The following DAPK1 variants were observed in gnomAD, a reference collection of about 807,000 sequenced individuals.
DAPK1 encodes death-associated protein kinase 1.
In DAPK1, 56 loss-of-function variants were observed where a neutral mutation model predicts 144.9. That is an observed-to-expected ratio of 0.39 (90% CI 0.31 to 0.48). The LOEUF (loss-of-function observed/expected upper bound fraction) is 0.48. Among genes scored for constraint, DAPK1 ranks in the 20% least tolerant of loss-of-function variants. DAPK1 has a pLI of 0.95. For missense variants in DAPK1, 1,454 were observed against 1,875.4 expected (o/e 0.78, Z 4.15); for synonymous variants, 690 against 749.0 (o/e 0.92, Z 1.29).
At position 87,650,031 on chromosome 9, in the gene DAPK1, G is replaced by T. The variant is rs201798288; in HGVS notation, c.1539G>T (p.Thr513=). The change falls in exon 16 of 26, where the codon ACG becomes ACT. Residue 513 remains threonine, a synonymous_variant. Coordinates refer to ENST00000408954, the MANE Select transcript of DAPK1 (RefSeq NM_004938.4). ...ACATCAAGAACCGAGAAGGAGAGAC[G>T]CCCCTCCTGACAGCCTCTGCCAGGG... ...NVNIKNREGE[T]PLLTASARGY... is the part of the protein sequence containing the mutation. 2 of 1,614,098 alleles carry T rather than the reference G, an allele frequency of 1.2e-6. No individual in the cohort carries two copies. The highest frequency in any genetic ancestry group is 3.3e-5 in the Admixed American group (2 of 60,018).
chr9:87,518,166 C>T (rs1825148982), intron 2 of DAPK1, among the ~76,000 whole-genome samples: 1 of 142,076 alleles, frequency 7.0e-6, no homozygotes. Context: ...GGCTGAAGTG[C>T]AGTGGCACAA....
intron 2 of DAPK1, among the ~76,000 whole-genome samples, chr9:87,587,536 C>G (rs1827977468): frequency 6.6e-6 from 1 of 152,150 alleles, no homozygotes; most frequent in South Asian, 2.1e-4. Context: ...TTATAATTAT[C>G]CCAGGGTGAG....
intron 3 of DAPK1, chr9:87,633,331 G>A: frequency 1.0e-6 from 1 of 985,064 alleles, no homozygotes; most frequent in Non-Finnish European, 1.2e-6. Flanking sequence ...TAGATATGAA[G>A]GAAGATGAGT....
intron 2 of DAPK1, among the ~76,000 whole-genome samples, chr9:87,592,593 C>G (rs985827690): frequency 6.6e-6 from 1 of 152,152 alleles, no homozygotes; most frequent in Non-Finnish European, 1.5e-5. Context: ...GTGGCACTTC[C>G]GAGAGTTAAC....
intron 18 of DAPK1, among the ~76,000 whole-genome samples, chr9:87,663,966 C>T (rs1035065939): frequency 6.6e-6 from 1 of 152,116 alleles, no homozygotes; most frequent in Non-Finnish European, 1.5e-5. Context: ...GCACCCGCCT[C>T]TCCAGCCCCC....
rs1326984890 is a variant in DAPK1 at position 87,497,946 on chromosome 9, C to CG, written c.-269dup. 5.0e-6 allele frequency: 2 copies of CG among 396,562 alleles called. No individual in the cohort carries two copies. The highest frequency in any genetic ancestry group is 8.9e-6 in the Non-Finnish European group (2 of 225,312). 24.6% of individuals were successfully genotyped at this position (396,562 alleles called of 1,614,324 possible). On this transcript the variant is annotated 5_prime_UTR_variant, in exon 1 of 26. Coordinates refer to ENST00000408954, the MANE Select transcript of DAPK1 (RefSeq NM_004938.4). ...CCTCCGCGGAGGGGACTCGGCAACTCGCAGCGGCAGGGTCTGGGGCCGGCG... is the reference window on the plus strand; with the variant it reads ...CCTCCGCGGAGGGGACTCGGCAACTCGGCAGCGGCAGGGTCTGGGGCCGGCG...
At chr9:87,659,008 C>T (rs970192325) in intron 18 of DAPK1, among the ~76,000 whole-genome samples, 1 of 152,222 alleles carries the variant, frequency 6.6e-6, no homozygotes, top group African/African-American at 2.4e-5. Context: ...CACAGCCATG[C>T]CCAAGGTTTG....
intron 2 of DAPK1, among the ~76,000 whole-genome samples, chr9:87,515,540 T>C (rs959061574): frequency 6.6e-6 from 1 of 151,966 alleles, no homozygotes; most frequent in African/African-American, 2.4e-5. Flanking sequence ...GGGTCAGTGG[T>C]GGGAGCCATG....
In DAPK1 at chr9:87,707,828, T is replaced by C. The variant is rs1174366117; in HGVS notation, c.*464T>C. 2.2e-6 allele frequency: 1 copy of C among 457,040 alleles called. No individual in the cohort carries two copies. Among genetic ancestry groups the C allele is most frequent in the Non-Finnish European group, 4.4e-6 (1 of 227,238 alleles). The allele number at this position is 457,040 out of a possible 1,614,324, so 28.3% of individuals were successfully genotyped here. ...CCATTTCCTCAGCTTATCTCTTTTATATTTGTAGGAGAAACTCCCATGTAT... is the reference window on the plus strand; with the variant it reads ...CCATTTCCTCAGCTTATCTCTTTTACATTTGTAGGAGAAACTCCCATGTAT... On this transcript the variant is annotated 3_prime_UTR_variant, in exon 26 of 26. Transcript: ENST00000408954. This position sits in a 1 kb window ranked among gnomAD's most constrained non-coding sequence, Gnocchi z 4.0.
intron 2 of DAPK1, among the ~76,000 whole-genome samples, chr9:87,501,756 A>C (rs1252192129): frequency 6.6e-6 from 1 of 152,200 alleles, no homozygotes; most frequent in Admixed American, 6.5e-5. Flanking sequence ...GTACTGCCTA[A>C]GACTTCTGTA....
intron 21 of DAPK1, among the ~76,000 whole-genome samples, chr9:87,694,373 A>C (rs978460728): frequency 6.6e-6 from 1 of 152,312 alleles, no homozygotes; most frequent in African/African-American, 2.4e-5. Flanking sequence ...AGGTCCCCAG[A>C]CAGCATATTC....
chr9:87,498,388 C>T (rs1824262611), intron 1 of DAPK1: 8 of 348,142 alleles, frequency 2.3e-5, no homozygotes, highest in Non-Finnish European at 3.6e-5. Context: ...CCGCTCCCTT[C>T]CCTCCCTTGC....
In DAPK1 at chr9:87,528,900, A is replaced by G. The variant is rs1825610167; in HGVS notation, c.62+29761A>G. On this transcript the variant is annotated intron_variant, in intron 2 of 25. Coordinates refer to ENST00000408954, the MANE Select transcript of DAPK1 (RefSeq NM_004938.4). ...AAAAAAAAAAAAAAAAATCACCTCC[A>G]ACCTCACACCATACCCCATTTTCTG... Among the ~76,000 whole-genome samples, 6 of 149,884 alleles carry G rather than the reference A, an allele frequency of 4.0e-5. No individual in the cohort carries two copies. In the South Asian group the frequency reaches 1.1e-3, roughly 26 times the overall value.
intron 23 of DAPK1, among the ~76,000 whole-genome samples, chr9:87,699,013 A>G (rs373755276): frequency 6.1e-4 from 93 of 152,326 alleles, no homozygotes; most frequent in Non-Finnish European, 1.2e-3. Flanking sequence ...TTGGATTTTA[A>G]TATATGTACA....
At position 87,682,532 on chromosome 9, in the gene DAPK1, G is replaced by A. The variant is rs553661178; in HGVS notation, c.2224+906G>A. On this transcript the variant is annotated intron_variant, in intron 20 of 25. Coordinates refer to ENST00000408954, the MANE Select transcript of DAPK1 (RefSeq NM_004938.4). ...GTTTCTCTTACGTCCCCTCAGTGAGGGAGGACGCTGGGGAGCATGGGTAGC... is the reference window on the plus strand; with the variant it reads ...GTTTCTCTTACGTCCCCTCAGTGAGAGAGGACGCTGGGGAGCATGGGTAGC... Among the ~76,000 whole-genome samples the A allele has an allele frequency of 3.4e-4, 52 of 152,312 alleles. 1 individual carries two copies. The highest frequency in any genetic ancestry group is 1.1e-3 in the African/African-American group (44 of 41,578).
intron 3 of DAPK1, among the ~76,000 whole-genome samples, chr9:87,621,373 G>T (rs1229797125): frequency 1.3e-5 from 2 of 152,172 alleles, no homozygotes; most frequent in Admixed American, 6.5e-5. Context: ...CTCGGCCATT[G>T]CACTGGGGGA....
chr9:87,657,843 A>C, intron 17 of DAPK1, 186 bp from the exon 18 acceptor site: 1 of 597,396 alleles, frequency 1.7e-6, no homozygotes, highest in South Asian at 2.0e-5. Flanking sequence ...TTTTAATTGC[A>C]AAGTACTTGG....
intron 2 of DAPK1, among the ~76,000 whole-genome samples, chr9:87,571,054 A>G (rs1587728524): frequency 6.6e-6 from 1 of 152,290 alleles, no homozygotes; most frequent in East Asian, 1.9e-4. Flanking sequence ...CTTGAATTTC[A>G]GGTTGGGCTG....
At position 87,583,930 on chromosome 9, in the gene DAPK1, C is replaced by T. The variant is rs1312632742; in HGVS notation, c.63-21024C>T. On this transcript the variant is annotated intron_variant, in intron 2 of 25. Coordinates refer to ENST00000408954, the MANE Select transcript of DAPK1 (RefSeq NM_004938.4). ...TAAGATCATACAGAAAATCCACTTC[C>T]CAAGGAGGACCACACTTTTAAAATC... Among the ~76,000 whole-genome samples, 4 of 152,162 alleles carry T rather than the reference C, an allele frequency of 2.6e-5. No individual in the cohort carries two copies. The South Asian group carries it at 8.3e-4, about 32-fold the overall frequency.
Sources: gnomAD v4.1 joint callset for allele counts (sites outside exome capture counted in the v4.1 genomes callset) on GRCh38, gnomAD v4.1.1 for gene constraint, Gnocchi (gnomAD v3.1) non-coding constraint, MANE v1.5 for transcripts, NCBI Gene and HGNC (gene_info 2026-07-23, HGNC 2026-07-21) for gene names.